Variants in DSTYK observed in about 807,000 individuals in gnomAD.
DSTYK encodes dual serine/threonine and tyrosine protein kinase.
DSTYK carries 34 observed loss-of-function variants against 98.7 expected under a neutral mutation model. The observed-to-expected ratio is 0.34, with a 90% CI of 0.26 to 0.46. The LOEUF is 0.46. DSTYK is among the 20% of genes least tolerant of loss of function. The pLI, the probability that DSTYK is intolerant of heterozygous loss-of-function variation, is 1.00. For missense variants in DSTYK, 962 were observed against 1,181.7 expected (o/e 0.81, Z 2.73); for synonymous variants, 462 against 457.3 (o/e 1.01, Z -0.13).
intron 2 of DSTYK, 91 bp downstream of exon 2, chr1:205,187,327 A>G: frequency 7.1e-7 from 1 of 1,404,196 alleles, no homozygotes; most frequent in South Asian, 1.5e-5. Flanking sequence ...AGTTCAGACT[A>G]TATATCATCG....
At chr1:205,187,315 A>G in intron 2 of DSTYK, 103 bp downstream of exon 2, 1 of 1,331,898 alleles carries the variant, frequency 7.5e-7, no homozygotes. Flanking sequence ...ACTGCTGCTC[A>G]GAGTTCAGAC....
chr1:205,177,344 G>T (rs942184240), intron 2 of DSTYK, among the ~76,000 whole-genome samples: 30 of 152,128 alleles, frequency 2.0e-4, no homozygotes, highest in African/African-American at 5.3e-4. Flanking sequence ...ATTAGTAATT[G>T]TCCTGCCCTT....
intron 10 of DSTYK, among the ~76,000 whole-genome samples, chr1:205,153,334 AT>A (rs1657456610): frequency 6.6e-6 from 1 of 152,286 alleles, no homozygotes; most frequent in Admixed American, 6.5e-5. Flanking sequence ...CCATCTCACC[AT>A]TTAAGGTACA....
At chr1:205,164,683 G>A (rs556803683) in intron 3 of DSTYK, among the ~76,000 whole-genome samples, 2 of 152,176 alleles carry the variant, frequency 1.3e-5, no homozygotes, top group African/African-American at 2.4e-5. Context: ...GGATGGTCTC[G>A]ATCTCCTGAC....
In DSTYK at chr1:205,187,527, C is replaced by T; in HGVS notation, c.545G>A (p.Gly182Asp). The change falls in exon 2 of 13, where the codon GGC (glycine) becomes GAC (aspartate). Residue 182 changes from glycine (G) to aspartate (D), a missense_variant. This residue lies in a region of DSTYK where 660 missense variants were observed against 855.0 expected (regional missense o/e 0.77). Coordinates refer to ENST00000367162, the MANE Select transcript of DSTYK (RefSeq NM_015375.3). ...ELVHTLVAHQ[G>D]NWETIPEEDL... ...CTCCTCAGGGATGGTCTCCCAGTTG[C>T]CCTGATGAGCAACCAGCGTGTGCAC... 1 of 1,614,174 alleles carries T rather than the reference C, an allele frequency of 6.2e-7. No homozygotes were observed. The highest frequency in any genetic ancestry group is 8.5e-7 in the Non-Finnish European group (1 of 1,180,034).
chr1:205,195,634 T>C (rs1658843784), intron 1 of DSTYK, among the ~76,000 whole-genome samples: 1 of 152,214 alleles, frequency 6.6e-6, no homozygotes, highest in African/African-American at 2.4e-5. Flanking sequence ...TGCACTCTAG[T>C]AGGCAAAGCT....
intron 7 of DSTYK, 117 bp from the exon 8 acceptor site, chr1:205,160,387 G>T: frequency 1.0e-6 from 1 of 957,158 alleles, no homozygotes; most frequent in African/African-American, 1.7e-5. Flanking sequence ...CCAAGCAGGA[G>T]TGCAGTGGCA....
At chr1:205,165,233 C>CA (rs944980238) in intron 3 of DSTYK, among the ~76,000 whole-genome samples, 1 of 152,000 alleles carries the variant, frequency 6.6e-6, no homozygotes, top group African/African-American at 2.4e-5. Context: ...CCTAGGATTA[C>CA]AGGCACCCAC....
intron 1 of DSTYK, among the ~76,000 whole-genome samples, chr1:205,192,953 C>A (rs759320696): frequency 6.6e-6 from 1 of 152,190 alleles, no homozygotes; most frequent in East Asian, 1.9e-4. Context: ...ATGACCCCTA[C>A]GCCACATTGT....
intron 3 of DSTYK, among the ~76,000 whole-genome samples, chr1:205,164,658 T>C (rs1306462741): frequency 1.3e-5 from 2 of 152,088 alleles, no homozygotes; most frequent in African/African-American, 2.4e-5. Context: ...AGACGGGGTT[T>C]CCCCATGTTG....
intron 2 of DSTYK, among the ~76,000 whole-genome samples, chr1:205,179,142 G>A (rs1218473533): frequency 1.3e-5 from 2 of 149,256 alleles, no homozygotes; most frequent in Non-Finnish European, 1.5e-5. Context: ...AAAAAAAAAA[G>A]ACAGGAATTA....
At chr1:205,164,655 G>C (rs932239586) in intron 3 of DSTYK, among the ~76,000 whole-genome samples, 8 of 152,052 alleles carry the variant, frequency 5.3e-5, no homozygotes. Context: ...TAGAGACGGG[G>C]TTTCCCCATG....
intron 3 of DSTYK, among the ~76,000 whole-genome samples, chr1:205,164,547 C>T (rs765072934): frequency 3.9e-5 from 6 of 151,938 alleles, no homozygotes; most frequent in Non-Finnish European, 7.4e-5. Flanking sequence ...CTGCAAGCTC[C>T]GCCTCCCGAG....
intron 3 of DSTYK, among the ~76,000 whole-genome samples, chr1:205,165,210 A>C (rs1053581534): frequency 9.2e-5 from 14 of 152,046 alleles, no homozygotes; most frequent in African/African-American, 3.4e-4. Flanking sequence ...CTTGTGCCTC[A>C]GCCTCCCAAG....
At chr1:205,163,123 C>G (rs929417672) in intron 4 of DSTYK, 117 bp from the exon 5 acceptor site, 2 of 826,266 alleles carry the variant, frequency 2.4e-6, no homozygotes, top group African/African-American at 3.4e-5. Context: ...AAACTTACCC[C>G]TCAATATATA....
intron 3 of DSTYK, among the ~76,000 whole-genome samples, chr1:205,167,741 T>G (rs750337550): frequency 6.6e-6 from 1 of 152,098 alleles, no homozygotes; most frequent in Non-Finnish European, 1.5e-5. Context: ...AAGAAAGAAG[T>G]CAGGGAGATC....
intron 2 of DSTYK, among the ~76,000 whole-genome samples, chr1:205,174,624 A>G (rs1658172268): frequency 1.3e-5 from 2 of 151,362 alleles, no homozygotes; most frequent in African/African-American, 2.4e-5. Flanking sequence ...TGGAGGTTGC[A>G]GTGAGCTGAG....
chr1:205,192,734 C>T (rs961232335), intron 1 of DSTYK, among the ~76,000 whole-genome samples: 5 of 152,026 alleles, frequency 3.3e-5, no homozygotes, highest in African/African-American at 4.8e-5. Context: ...TGGTGGCCGA[C>T]GCCTGTAATC....
intron 8 of DSTYK, 60 bp downstream of exon 8, chr1:205,160,054 C>G: frequency 2.5e-6 from 4 of 1,588,378 alleles, no homozygotes; most frequent in Non-Finnish European, 3.5e-6. Flanking sequence ...AAAATCTAAA[C>G]CAGGGTTCTA....
Sources: allele counts gnomAD v4.1 joint callset (sites outside exome capture counted in the v4.1 genomes callset), GRCh38; gene constraint gnomAD v4.1.1; regional missense constraint gnomAD v4.1.1; transcripts MANE v1.5; gene names NCBI Gene and HGNC (gene_info 2026-07-23, HGNC 2026-07-21).